The following COL24A1 variants were observed in gnomAD, a reference collection of about 807,000 sequenced individuals.
The protein encoded by COL24A1 is collagen type XXIV alpha 1 chain.
A neutral mutation model predicts 253.9 loss-of-function variants in COL24A1; 224 were observed. The observed-to-expected ratio is 0.88, with a 90% CI of 0.79 to 0.99. COL24A1 has a LOEUF of 0.99. Among genes scored for constraint, COL24A1 ranks in the 50% least tolerant of loss-of-function variants. The pLI is 0.00. For missense variants in COL24A1, 2,131 were observed against 2,068.5 expected, an observed-to-expected ratio of 1.03 and a Z score of -0.59; for synonymous variants, 685 against 673.7, an observed-to-expected ratio of 1.02 and a Z score of -0.26.
At chr1:85,813,422 A>C (rs867959950) in intron 47 of COL24A1, among the ~76,000 whole-genome samples, 1 of 123,956 alleles carries the variant, frequency 8.1e-6, no homozygotes, top group African/African-American at 3.0e-5. Flanking sequence ...AAAACCTTAA[A>C]GAAAAAAAAA....
chr1:85,875,101 C>T lies in COL24A1; in HGVS notation c.3084+176G>A, dbSNP rs150204843. On this transcript the variant is annotated intron_variant, in intron 34 of 59. Coordinates refer to ENST00000370571, the MANE Select transcript of COL24A1 (RefSeq NM_152890.7). ...CCATGAAACTTGTCCCTGGTGCCAG[C>T]CAAATAGGTTGGGGACTGCTGTCAT... 2.7e-3 allele frequency among the ~76,000 whole-genome samples: 408 copies of T among 152,260 alleles called. 1 individual carries two copies. Among genetic ancestry groups the T allele is most frequent in the African/African-American group, 8.2e-3 (342 of 41,552 alleles).
intron 24 of COL24A1, among the ~76,000 whole-genome samples, chr1:85,957,598 T>C (rs527741309): frequency 6.6e-6 from 1 of 152,302 alleles, no homozygotes. Flanking sequence ...CCTCCCCTGA[T>C]TTGCAGCCTA....
chr1:85,918,647 T>G (rs773325641), intron 24 of COL24A1, among the ~76,000 whole-genome samples: 1 of 152,168 alleles, frequency 6.6e-6, no homozygotes, highest in Admixed American at 6.5e-5. Flanking sequence ...TTGGAAATAA[T>G]AGATGAATTA....
chr1:85,944,453 A>G (rs1367160972), intron 24 of COL24A1, among the ~76,000 whole-genome samples: 3 of 152,220 alleles, frequency 2.0e-5, no homozygotes, highest in Non-Finnish European at 4.4e-5. Flanking sequence ...TTAACAATGT[A>G]AATAAATCTT....
At chr1:86,062,951 T>C (rs1701198818) in intron 8 of COL24A1, among the ~76,000 whole-genome samples, 1 of 152,110 alleles carries the variant, frequency 6.6e-6, no homozygotes, top group Non-Finnish European at 1.5e-5. Context: ...GATCTCCCTT[T>C]AGGGTTTCCT....
intron 53 of COL24A1, among the ~76,000 whole-genome samples, chr1:85,774,624 A>G (rs2101412719): frequency 6.6e-6 from 1 of 152,182 alleles, no homozygotes. Context: ...CCAGGAATTT[A>G]TCCATTTCTT....
At chr1:85,860,442 A>G (rs1679009728) in intron 37 of COL24A1, among the ~76,000 whole-genome samples, 1 of 152,152 alleles carries the variant, frequency 6.6e-6, no homozygotes, top group Non-Finnish European at 1.5e-5. Context: ...GACATTTCAT[A>G]TAAAAGTACA....
intron 31 of COL24A1, among the ~76,000 whole-genome samples, chr1:85,891,893 C>T (rs1179316043): frequency 6.6e-6 from 1 of 152,098 alleles, no homozygotes; most frequent in Non-Finnish European, 1.5e-5. Context: ...AGAGGAAAAG[C>T]ACAAGCTGGA....
intron 14 of COL24A1, among the ~76,000 whole-genome samples, chr1:86,028,773 T>C (rs1187353196): frequency 6.6e-6 from 1 of 152,198 alleles, no homozygotes; most frequent in Non-Finnish European, 1.5e-5. Flanking sequence ...CTGAGTACTT[T>C]TATGTGCCAG....
chr1:86,050,112 G>A lies in COL24A1; in HGVS notation c.1905+12C>T, dbSNP rs753736418. On this transcript the variant is annotated intron_variant, in intron 11 of 59. Transcript: ENST00000370571. ...TCACTTTAGAAATACTATTTGAAGG[G>A]AATGGACTTACCCGTTCTCCTTCAG... The A allele has an allele frequency of 2.5e-6, 4 of 1,610,440 alleles. No homozygotes were observed. Among genetic ancestry groups the A allele is most frequent in the African/African-American group, 1.3e-5 (1 of 74,926 alleles).
At chr1:86,136,686 C>T (rs1185850751) in intron 2 of COL24A1, among the ~76,000 whole-genome samples, 3 of 151,992 alleles carry the variant, frequency 2.0e-5, no homozygotes, top group East Asian at 1.9e-4. Context: ...CTGACTGCTC[C>T]ACCACACGAC....
intron 53 of COL24A1, among the ~76,000 whole-genome samples, chr1:85,767,458 G>T (rs555321646): frequency 2.0e-5 from 3 of 152,034 alleles, no homozygotes; most frequent in Admixed American, 6.6e-5. Flanking sequence ...AAGGTTTAAC[G>T]GCACATTTTA....
rs1468969576 is a variant in COL24A1, at chr1:86,125,956, T to A, written c.380A>T (p.Asn127Ile). The A allele has an allele frequency of 6.2e-7, 1 of 1,613,462 alleles. No individual in the cohort carries two copies. Among genetic ancestry groups the A allele is most frequent in the African/African-American group, 1.3e-5 (1 of 74,902 alleles). Residue 127 changes from asparagine (N) to isoleucine (I), a missense_variant, in exon 3 of 60, where the codon AAT becomes ATT. By Grantham distance (149) the Asn-to-Ile change is moderately radical. Transcript: ENST00000370571. The stretch of plus-strand genomic sequence containing the variant: ...TACTCCTAATTGCAGTCTATTTTTA[T>A]TTCTAATGCTGAAGAGAAATGCATT... ...VNNAFLFSIR[N>I]KNRLQLGVQL...
chr1:85,911,806 T>C (rs918620673), intron 24 of COL24A1, among the ~76,000 whole-genome samples: 1 of 152,094 alleles, frequency 6.6e-6, no homozygotes, highest in Non-Finnish European at 1.5e-5. Flanking sequence ...ACTACCTTTT[T>C]TGAAAGCCCC....
At chr1:85,833,688 T>C (rs1336335513) in intron 43 of COL24A1, among the ~76,000 whole-genome samples, 2 of 152,178 alleles carry the variant, frequency 1.3e-5, no homozygotes, top group Non-Finnish European at 2.9e-5. Context: ...GTGGCACTAT[T>C]CACAATAGCA....
At chr1:85,827,534 C>A (rs537959563) in intron 43 of COL24A1, among the ~76,000 whole-genome samples, 2 of 151,992 alleles carry the variant, frequency 1.3e-5, no homozygotes, top group African/African-American at 4.8e-5. Context: ...TGGTAGAATT[C>A]GGCTGTGAAT....
At chr1:86,092,437 T>C (rs940542943) in intron 5 of COL24A1, 117 bp from the exon 6 acceptor site, 2 of 666,812 alleles carry the variant, frequency 3.0e-6, no homozygotes, top group African/African-American at 3.9e-5. Flanking sequence ...AATAAAATAA[T>C]TTTACATTGA....
rs1444705729 is a variant in COL24A1 at position 85,848,202 on chromosome 1, A to G, written c.3355-430T>C. On this transcript the variant is annotated intron_variant, in intron 38 of 59. Coordinates refer to ENST00000370571, the MANE Select transcript of COL24A1 (RefSeq NM_152890.7). Reference sequence around the variant, plus strand: ...TTCTGTACATTCAGGATCATCACTCATTGGCTTGGAGTATGCCTTGAAAAA... The same window carrying G: ...TTCTGTACATTCAGGATCATCACTCGTTGGCTTGGAGTATGCCTTGAAAAA... Among the ~76,000 whole-genome samples, 4 of 152,198 alleles carry G rather than the reference A, an allele frequency of 2.6e-5. No homozygotes were observed. The East Asian group carries it at 5.8e-4, about 22-fold the overall frequency.
chr1:86,102,182 T>G (rs1454841760), intron 5 of COL24A1, among the ~76,000 whole-genome samples: 3 of 152,162 alleles, frequency 2.0e-5, no homozygotes, highest in Non-Finnish European at 4.4e-5. Flanking sequence ...CATAGAAGTG[T>G]TTATAATATT....
Sources: gnomAD v4.1 joint callset for allele counts (sites outside exome capture counted in the v4.1 genomes callset) on GRCh38, gnomAD v4.1.1 for gene constraint, MANE v1.5 for transcripts, NCBI Gene and HGNC (gene_info 2026-07-23, HGNC 2026-07-21) for gene names.